Variants in PARP8 observed in about 807,000 individuals in gnomAD.
The protein encoded by PARP8 is protein mono-ADP-ribosyltransferase PARP8.
A neutral mutation model predicts 124.1 loss-of-function variants in PARP8; 51 were observed. The observed-to-expected ratio is 0.41, with a 90% CI of 0.33 to 0.52. The LOEUF is 0.52. Ranked by LOEUF, PARP8 falls within the 20% of genes least tolerant of loss-of-function variation. The pLI is 0.21. For missense variants in PARP8, 860 were observed against 1,018.9 expected (o/e 0.84, Z 2.12); for synonymous variants, 391 against 361.5 (o/e 1.08, Z -0.93).
chr5:50,803,938 A>C (rs549203909), intron 14 of PARP8, among the ~76,000 whole-genome samples: 1 of 152,096 alleles, frequency 6.6e-6, no homozygotes, highest in African/African-American at 2.4e-5. Context: ...AGATCTCGCC[A>C]AACTGTTTTG....
intron 10 of PARP8, among the ~76,000 whole-genome samples, chr5:50,793,833 C>CA (rs201360594): frequency 1.3e-5 from 2 of 151,730 alleles, no homozygotes; most frequent in East Asian, 1.9e-4. Context: ...TTTCTAGCAC[C>CA]AAAAAAAATT....
rs139230815 is a variant in PARP8, at chr5:50,793,421, T to G, written c.738-786T>G. 2.0e-3 allele frequency among the ~76,000 whole-genome samples: 301 copies of G among 152,322 alleles called. 3 individuals carry two copies. Among genetic ancestry groups the G allele is most frequent in the African/African-American group, 6.9e-3 (285 of 41,584 alleles). On this transcript the variant is annotated intron_variant, in intron 10 of 25. Coordinates refer to ENST00000281631, the MANE Select transcript of PARP8 (RefSeq NM_024615.4). ...AGAGAAGCCATCCAAGCCAAAGACC[T>G]TTCCCAAATAAGAACACTGTGTCCA...
chr5:50,739,479 T>A (rs568608334), intron 2 of PARP8, among the ~76,000 whole-genome samples: 1 of 152,110 alleles, frequency 6.6e-6, no homozygotes, highest in East Asian at 1.9e-4. Context: ...TATTTCATCT[T>A]CCTTGTAATC....
intron 17 of PARP8, among the ~76,000 whole-genome samples, chr5:50,823,125 T>C (rs27934): frequency 0.47 from 71,707 of 152,140 alleles, 18,869 homozygotes; most frequent in African/African-American, 0.72. Flanking sequence ...TTGCACTGCC[T>C]TAGAGACCCT....
At chr5:50,755,082 C>T (rs563062417) in intron 3 of PARP8, among the ~76,000 whole-genome samples, 3 of 151,936 alleles carry the variant, frequency 2.0e-5, no homozygotes, top group Admixed American at 6.6e-5. Flanking sequence ...GGGTATTAGC[C>T]CTTTGTCAGA....
At chr5:50,672,834 A>G (rs1487226254) in intron 2 of PARP8, among the ~76,000 whole-genome samples, 1 of 152,114 alleles carries the variant, frequency 6.6e-6, no homozygotes, top group Non-Finnish European at 1.5e-5. Context: ...CCCAGAAAGG[A>G]GAAGTGTATG....
At chr5:50,777,928 A>G in intron 7 of PARP8, 141 bp from the exon 8 acceptor site, 1 of 661,836 alleles carries the variant, frequency 1.5e-6, no homozygotes, top group Non-Finnish European at 2.6e-6. Flanking sequence ...TAGTTATTTC[A>G]TATCCACAGT....
At chr5:50,727,476 A>G (rs992843112) in intron 2 of PARP8, among the ~76,000 whole-genome samples, 2 of 152,184 alleles carry the variant, frequency 1.3e-5, no homozygotes, top group Non-Finnish European at 2.9e-5. Context: ...GCTTTTGGCC[A>G]GAGTACGTGT....
At chr5:50,667,508 T>G in intron 1 of PARP8, 1 of 697,404 alleles carries the variant, frequency 1.4e-6, no homozygotes, top group South Asian at 1.5e-5. Flanking sequence ...GCACGCTTCC[T>G]GGGTTCCAGC....
intron 2 of PARP8, chr5:50,738,890 A>G: frequency 1.5e-6 from 1 of 661,182 alleles, no homozygotes; most frequent in East Asian, 2.7e-5. Flanking sequence ...TAAAAAATTT[A>G]TTATTGATAA....
chr5:50,687,219 A>C (rs992335247), intron 2 of PARP8, among the ~76,000 whole-genome samples: 17 of 152,120 alleles, frequency 1.1e-4, no homozygotes, highest in African/African-American at 4.1e-4. Context: ...ATCTCTCTCA[A>C]GTTTAAAGTT....
rs751452317 is a variant in PARP8, at chr5:50,747,148, TTGTTTG to T, written c.147-3001_147-2996del. ...TCTACTTATTCAGTTATGGTTTTTT[TTGTTTG>T]TTTGTTTTGTTTTTTTTTTTTTTTT... On this transcript the variant is annotated intron_variant, in intron 2 of 25. Coordinates refer to ENST00000281631, the MANE Select transcript of PARP8 (RefSeq NM_024615.4). Among the ~76,000 whole-genome samples the T allele has an allele frequency of 1.2e-3, 148 of 118,742 alleles. 1 individual carries two copies. The highest frequency in any genetic ancestry group is 4.1e-3 in the African/African-American group (116 of 27,962). 77.9% of individuals were successfully genotyped at this position (118,742 alleles called of 152,430 possible). A position where few individuals can be genotyped will look rare whatever the true frequency, so the allele number is the denominator to read the frequency against.
At chr5:50,675,561 G>A (rs1290763260) in intron 2 of PARP8, among the ~76,000 whole-genome samples, 1 of 152,146 alleles carries the variant, frequency 6.6e-6, no homozygotes, top group Non-Finnish European at 1.5e-5. Context: ...TGCCCGCCTC[G>A]GCCTCCCAAA....
rs776286013 is a variant in PARP8, at chr5:50,795,443, T to A, written c.1428+26T>A. The stretch of plus-strand genomic sequence containing the variant: ...GTGCGTAAATATTTTCATCTTGAGT[T>A]CTTAAATGTTAGCTAAGGTGCAGTA... On this transcript the variant is annotated intron_variant, in intron 12 of 25. Transcript: ENST00000281631. The A allele has an allele frequency of 4.6e-6, 7 of 1,536,866 alleles. No individual in the cohort carries two copies. The South Asian group carries it at 8.9e-5, about 19-fold the overall frequency.
chr5:50,755,268 T>C (rs1230190559), intron 3 of PARP8, among the ~76,000 whole-genome samples: 1 of 152,232 alleles, frequency 6.6e-6, no homozygotes. Flanking sequence ...GTCTATGTCC[T>C]GAATGATATT....
At chr5:50,783,998 T>C (rs900607172) in intron 9 of PARP8, among the ~76,000 whole-genome samples, 12 of 152,214 alleles carry the variant, frequency 7.9e-5, no homozygotes, top group Admixed American at 6.5e-4. Flanking sequence ...TGATATTTTA[T>C]GTTTTTTATG....
chr5:50,793,436 C>G (rs1742181549), intron 10 of PARP8, among the ~76,000 whole-genome samples: 1 of 152,144 alleles, frequency 6.6e-6, no homozygotes. Context: ...CAAATAAGAA[C>G]ACTGTGTCCA....
chr5:50,667,487 G>A, intron 1 of PARP8: 1 of 698,858 alleles, frequency 1.4e-6, no homozygotes, highest in East Asian at 2.7e-5. Context: ...CGTAGTGCCC[G>A]AAGCCTCCAA....
intron 3 of PARP8, among the ~76,000 whole-genome samples, chr5:50,756,216 A>G (rs1333295261): frequency 6.6e-6 from 1 of 151,950 alleles, no homozygotes; most frequent in South Asian, 2.1e-4. Flanking sequence ...TTCCAACACT[A>G]TGTTGAATAG....
Sources: gnomAD v4.1 joint callset for allele counts (sites outside exome capture counted in the v4.1 genomes callset) on GRCh38, gnomAD v4.1.1 for gene constraint, MANE v1.5 for transcripts, NCBI Gene and HGNC (gene_info 2026-07-23, HGNC 2026-07-21) for gene names.